The following MAP3K1 variants were observed in gnomAD, a reference collection of about 807,000 sequenced individuals.
The protein encoded by MAP3K1 is mitogen-activated protein kinase kinase kinase 1, also known as MAP/ERK kinase kinase 1.
Under a neutral mutation model 144.2 loss-of-function variants are expected in MAP3K1, and 36 were observed. The ratio of observed to expected loss-of-function variants is 0.25; its 90% confidence interval spans 0.19 to 0.33. The LOEUF is 0.33. Among genes scored for constraint, MAP3K1 ranks in the 10% least tolerant of loss-of-function variants. The probability of loss-of-function intolerance (pLI) is 1.00; values close to 1 mark genes in which losing one functional copy is unlikely to be tolerated. For missense variants in MAP3K1, 1,650 were observed against 1,881.9 expected (o/e 0.88, Z 2.28); for synonymous variants, 718 against 688.7 (o/e 1.04, Z -0.67).
intron 2 of MAP3K1, among the ~76,000 whole-genome samples, chr5:56,857,188 G>A (rs998508578): frequency 6.6e-5 from 10 of 152,128 alleles, no homozygotes; most frequent in Non-Finnish European, 1.2e-4. Flanking sequence ...GTTTTCACAT[G>A]CATGCATAAG....
intron 19 of MAP3K1, among the ~76,000 whole-genome samples, chr5:56,892,965 TTC>T (rs907786888): frequency 2.0e-5 from 3 of 147,152 alleles, no homozygotes; most frequent in African/African-American, 7.9e-5. Flanking sequence ...CAAATAAAAT[TTC>T]TTTTTTTTTA....
In MAP3K1 at chr5:56,895,176, A is replaced by G. The variant is rs1006817279; in HGVS notation, c.*1496A>G. 14 of 231,764 alleles carry G rather than the reference A, an allele frequency of 6.0e-5. No homozygotes were observed. The highest frequency in any genetic ancestry group is 2.4e-4 in the African/African-American group (11 of 45,298). The allele number at this position is 231,764 out of a possible 1,614,324, so 14.4% of individuals were successfully genotyped here. On this transcript the variant is annotated 3_prime_UTR_variant, in exon 20 of 20. Transcript: ENST00000399503. Reference sequence around the variant, plus strand: ...AATTGGAAATAAAATAAGTTACAAGATAAGTTTACAGGGATATATTGCTTA... The same window carrying G: ...AATTGGAAATAAAATAAGTTACAAGGTAAGTTTACAGGGATATATTGCTTA...
In MAP3K1 at chr5:56,864,944, G is replaced by A. The variant is rs370960346; in HGVS notation, c.1035+10G>A. On this transcript the variant is annotated intron_variant, in intron 4 of 19. Coordinates refer to ENST00000399503, the MANE Select transcript of MAP3K1 (RefSeq NM_005921.2). ...GTTTATTGGGCCTCAGGTAGGATTC[G>A]TCACCATTTTATACTTTATTAGTAG... 7.4e-6 allele frequency: 12 copies of A among 1,613,244 alleles called. No individual in the cohort carries two copies. Among genetic ancestry groups the A allele is most frequent in the East Asian group, 2.2e-5 (1 of 44,862 alleles).
chr5:56,892,765 C>T (rs1748585414), intron 19 of MAP3K1, among the ~76,000 whole-genome samples: 1 of 152,160 alleles, frequency 6.6e-6, no homozygotes, highest in Non-Finnish European at 1.5e-5. Flanking sequence ...AAGACACTAT[C>T]TCTGCCTGGA....
rs16886397 is a variant in MAP3K1 at position 56,838,449 on chromosome 5, A to G, written c.483-18151A>G. Among the ~76,000 whole-genome samples, 9,021 of 152,328 alleles carry G rather than the reference A, an allele frequency of 0.059. 286 individuals are homozygous for G. Among genetic ancestry groups the G allele is most frequent in the East Asian group, 0.12 (620 of 5,190 alleles). On this transcript the variant is annotated intron_variant, in intron 1 of 19. Coordinates refer to ENST00000399503, the MANE Select transcript of MAP3K1 (RefSeq NM_005921.2). ...TTTGCTATAGTGAAAAGAAATTGGC[A>G]TATTTATGAACAACTCCAGGATCTC...
intron 1 of MAP3K1, among the ~76,000 whole-genome samples, chr5:56,844,364 A>G (rs1397034575): frequency 6.6e-6 from 1 of 151,514 alleles, no homozygotes; most frequent in Non-Finnish European, 1.5e-5. Context: ...TATTTTTAGT[A>G]GAGACGGGGT....
intron 1 of MAP3K1, among the ~76,000 whole-genome samples, chr5:56,856,058 A>T (rs1156468265): frequency 6.6e-6 from 1 of 152,204 alleles, no homozygotes; most frequent in Non-Finnish European, 1.5e-5. Context: ...TTTATTCTTT[A>T]TAGAGTACCC....
chr5:56,857,402 C>T (rs1747374404), intron 2 of MAP3K1, among the ~76,000 whole-genome samples: 1 of 151,922 alleles, frequency 6.6e-6, no homozygotes, highest in Non-Finnish European at 1.5e-5. Context: ...ATAAGAATAC[C>T]ATCATGAAAT....
At chr5:56,842,260 C>T (rs1202191087) in intron 1 of MAP3K1, 3 of 152,260 alleles carry the variant, frequency 2.0e-5, no homozygotes, top group African/African-American at 7.2e-5. Context: ...ATCTGTTTTT[C>T]AAATAACTTG....
At chr5:56,892,365 C>G (rs922098005) in intron 19 of MAP3K1, among the ~76,000 whole-genome samples, 2 of 152,068 alleles carry the variant, frequency 1.3e-5, no homozygotes, top group African/African-American at 2.4e-5. Context: ...GTGATTTTTG[C>G]ACATTGATTT....
chr5:56,842,086 C>T (rs956585091), intron 1 of MAP3K1: 36 of 152,256 alleles, frequency 2.4e-4, no homozygotes, highest in African/African-American at 8.4e-4. Context: ...TTTAAAGGAA[C>T]TAATATTAAA....
chr5:56,877,588 C>G (rs1561196660), intron 10 of MAP3K1, among the ~76,000 whole-genome samples: 1 of 148,738 alleles, frequency 6.7e-6, no homozygotes, highest in African/African-American at 2.5e-5. Flanking sequence ...AAATATGTGT[C>G]TCTTAAAACC....
intron 9 of MAP3K1, among the ~76,000 whole-genome samples, chr5:56,873,769 T>TA (rs1445723383): frequency 2.6e-5 from 4 of 152,242 alleles, no homozygotes; most frequent in Admixed American, 6.5e-5. Flanking sequence ...TAGGATTTGT[T>TA]ACATTTTTCT....
chr5:56,895,909 G>T lies in MAP3K1; in HGVS notation c.*2229G>T. ...GAAATTATATTTGCTGTGTGACTAT[G>T]ATTCCTAAGATTTCCAGGGCTTAAG... On this transcript the variant is annotated 3_prime_UTR_variant, in exon 20 of 20. Coordinates refer to ENST00000399503, the MANE Select transcript of MAP3K1 (RefSeq NM_005921.2). The T allele has an allele frequency of 4.5e-6, 1 of 221,126 alleles. No homozygotes were observed. The highest frequency in any genetic ancestry group is 6.4e-5 in the East Asian group (1 of 15,610). The allele number at this position is 221,126 out of a possible 1,614,324, so 13.7% of individuals were successfully genotyped here. A position where few individuals can be genotyped will look rare whatever the true frequency, so the allele number is the denominator to read the frequency against.
At chr5:56,845,656 A>G (rs916072387) in intron 1 of MAP3K1, among the ~76,000 whole-genome samples, 14 of 152,082 alleles carry the variant, frequency 9.2e-5, no homozygotes, top group African/African-American at 3.1e-4. Flanking sequence ...TGTTTTTAAA[A>G]ACATCCTTCT....
At chr5:56,874,842 A>C (rs2111919690) in intron 9 of MAP3K1, among the ~76,000 whole-genome samples, 190 bp from the exon 10 acceptor site, 1 of 152,338 alleles carries the variant, frequency 6.6e-6, no homozygotes, top group East Asian at 1.9e-4. Context: ...GATAATTATC[A>C]GTTAAACTTG....
chr5:56,844,635 A>T (rs923441571), intron 1 of MAP3K1, among the ~76,000 whole-genome samples: 3 of 151,966 alleles, frequency 2.0e-5, no homozygotes, highest in African/African-American at 7.3e-5. Context: ...GATGGAGATC[A>T]CTCCACCTTC....
chr5:56,826,559 G>A (rs1746321380), intron 1 of MAP3K1, among the ~76,000 whole-genome samples: 1 of 152,236 alleles, frequency 6.6e-6, no homozygotes. Flanking sequence ...TCACAGGTCA[G>A]ACAACAGATG....
chr5:56,848,338 G>A, intron 1 of MAP3K1, among the ~76,000 whole-genome samples: 1 of 152,184 alleles, frequency 6.6e-6, no homozygotes, highest in Admixed American at 6.5e-5. Flanking sequence ...TATGGTAGAA[G>A]TTGTTAAGGG....
Sources: gnomAD v4.1 joint callset for allele counts (sites outside exome capture counted in the v4.1 genomes callset) on GRCh38, gnomAD v4.1.1 for gene constraint, MANE v1.5 for transcripts, NCBI Gene and HGNC (gene_info 2026-07-23, HGNC 2026-07-21) for gene names.